The following CNTN5 variants were observed in gnomAD, a reference collection of about 807,000 sequenced individuals.
The protein encoded by CNTN5 is contactin 5.
Under a neutral mutation model 129.1 loss-of-function variants are expected in CNTN5, and 77 were observed. The ratio of observed to expected loss-of-function variants is 0.60; its 90% confidence interval spans 0.50 to 0.72. The LOEUF (loss-of-function observed/expected upper bound fraction) is 0.72, where lower values mean the gene tolerates loss of function less well. Ranked by LOEUF, CNTN5 falls within the 30% of genes least tolerant of loss-of-function variation. The probability of loss-of-function intolerance (pLI) is 0.00; values close to 1 mark genes in which losing one functional copy is unlikely to be tolerated. For synonymous variants in CNTN5, 509 were observed against 465.6 expected (o/e 1.09, Z -1.20); for missense variants, 1,478 against 1,328.8 (o/e 1.11, Z -1.75).
chr11:99,227,212 T>C (rs1029261110), intron 1 of CNTN5, among the ~76,000 whole-genome samples: 1 of 151,810 alleles, frequency 6.6e-6, no homozygotes, highest in Non-Finnish European at 1.5e-5. Flanking sequence ...TACAAAAAAT[T>C]AGCCAGGTGT....
chr11:100,054,969 T>C (rs1278159539), intron 9 of CNTN5, among the ~76,000 whole-genome samples: 2 of 142,206 alleles, frequency 1.4e-5, no homozygotes, highest in Non-Finnish European at 3.0e-5. Context: ...TAGAGAGTCA[T>C]AGATTTTTAA....
chr11:100,160,813 G>C (rs1449057155), intron 13 of CNTN5, among the ~76,000 whole-genome samples: 1 of 151,848 alleles, frequency 6.6e-6, no homozygotes, highest in Non-Finnish European at 1.5e-5. Context: ...TCACTCCTAT[G>C]TGGTGGAGAA....
intron 18 of CNTN5, 57 bp downstream of exon 18, chr11:100,271,298 G>A (rs766477216): frequency 1.7e-5 from 23 of 1,344,216 alleles, no homozygotes; most frequent in Non-Finnish European, 2.2e-5. Flanking sequence ...TCTTGAAAGT[G>A]AGTTGAATTA....
intron 8 of CNTN5, among the ~76,000 whole-genome samples, chr11:99,979,533 C>G (rs140238327): frequency 2.6e-5 from 4 of 152,172 alleles, no homozygotes; most frequent in Admixed American, 1.3e-4. Flanking sequence ...TTGTGTGAGG[C>G]AGGCTTCTAT....
Position 99,889,616 on chromosome 11 carries a change from T to C in CNTN5, c.578-26438T>C, listed in dbSNP as rs932205871. On this transcript the variant is annotated intron_variant, in intron 6 of 24. Transcript: ENST00000524871. ...AGTGGTGCAATCTTGGCTTACTACA[T>C]CCTCTGCCTCCTGGGTTCGAGCGAT... is the stretch of plus-strand genomic sequence containing the variant. Among the ~76,000 whole-genome samples the C allele has an allele frequency of 3.3e-5, 5 of 149,518 alleles. No individual in the cohort carries two copies. The East Asian group carries it at 8.1e-4, about 24-fold the overall frequency.
chr11:100,297,661 G>A lies in CNTN5; in HGVS notation c.2351G>A (p.Ser784Asn). ...GCACCCACCAATGTAAGCGGAAGAAGTGGAAGAAGGCATGAGTTAGTCATT... is the reference window on the plus strand; with the variant it reads ...GCACCCACCAATGTAAGCGGAAGAAATGGAAGAAGGCATGAGTTAGTCATT... ...KTAPTNVSGR[S>N]GRRHELVIAW... Residue 784 changes from serine to asparagine, a missense_variant, in exon 19 of 25, where the codon AGT becomes AAT. By Grantham distance (46) the Ser-to-Asn change is conservative. Coordinates refer to ENST00000524871, the MANE Select transcript of CNTN5 (RefSeq NM_014361.4). 6 of 1,605,748 alleles carry A rather than the reference G, an allele frequency of 3.7e-6. No homozygotes were observed. The highest frequency in any genetic ancestry group is 5.1e-6 in the Non-Finnish European group (6 of 1,175,214).
chr11:100,308,701 T>C (rs1213409943), intron 21 of CNTN5: 7 of 1,110,308 alleles, frequency 6.3e-6, no homozygotes, highest in East Asian at 1.0e-4. Context: ...TTTTAAAAGA[T>C]GAAATAGAGT....
chr11:99,817,106 C>T (rs373334864), intron 3 of CNTN5, among the ~76,000 whole-genome samples: 1 of 152,154 alleles, frequency 6.6e-6, no homozygotes, highest in African/African-American at 2.4e-5. Context: ...TGTATGAATA[C>T]TGCCTTTTTT....
intron 9 of CNTN5, among the ~76,000 whole-genome samples, chr11:100,051,113 C>T (rs1485647017): frequency 2.0e-5 from 3 of 151,948 alleles, no homozygotes; most frequent in Non-Finnish European, 4.4e-5. Flanking sequence ...GACAGAAAAT[C>T]AGTAAAGTAC....
chr11:99,349,177 A>T (rs1025309038), intron 2 of CNTN5, among the ~76,000 whole-genome samples: 1 of 152,186 alleles, frequency 6.6e-6, no homozygotes, highest in Non-Finnish European at 1.5e-5. Flanking sequence ...GACCACCCTG[A>T]ATGTGCCCGA....
intron 6 of CNTN5, among the ~76,000 whole-genome samples, chr11:99,854,455 A>G (rs1480119745): frequency 6.6e-6 from 1 of 152,082 alleles, no homozygotes; most frequent in Non-Finnish European, 1.5e-5. Flanking sequence ...TATTCCAGGT[A>G]AAAAGGGCTT....
chr11:100,240,760 G>A (rs1388812673), intron 16 of CNTN5, among the ~76,000 whole-genome samples: 2 of 152,098 alleles, frequency 1.3e-5, no homozygotes. Flanking sequence ...GTGCCCTAGA[G>A]TTTACCCATA....
At chr11:99,364,335 G>A (rs1939312874) in intron 2 of CNTN5, among the ~76,000 whole-genome samples, 1 of 152,020 alleles carries the variant, frequency 6.6e-6, no homozygotes, top group African/African-American at 2.4e-5. Context: ...TCAAGTGGTT[G>A]TAGGATTAGC....
rs756128950 is a variant in CNTN5, at chr11:99,956,849, G to A, written c.717G>A (p.Val239=). The A allele has an allele frequency of 1.2e-6, 2 of 1,613,848 alleles. No homozygotes were observed. The highest frequency in any genetic ancestry group is 1.7e-6 in the Non-Finnish European group (2 of 1,179,844). The change falls in exon 8 of 25, where the codon GTG becomes GTA. Residue 239 remains valine (V), a synonymous_variant. Coordinates refer to ENST00000524871, the MANE Select transcript of CNTN5 (RefSeq NM_014361.4). ...TATTTAATGAGTTCCCTTCCTTTGT[G>A]GCGGAAGACAGCCGGCGGTTCATCT... ...SWVFNEFPSF[V]AEDSRRFISQ...
intron 2 of CNTN5, among the ~76,000 whole-genome samples, chr11:99,553,659 T>TCC (rs955958025): frequency 2.0e-5 from 3 of 152,020 alleles, no homozygotes; most frequent in Non-Finnish European, 4.4e-5. Context: ...AGGTGATGGA[T>TCC]ATCTTAATTA....
intron 3 of CNTN5, among the ~76,000 whole-genome samples, chr11:99,812,279 A>C (rs80074419): frequency 0.035 from 5,351 of 152,216 alleles, 141 homozygotes; most frequent in South Asian, 0.1. Flanking sequence ...AAAATAAAAA[A>C]TGTAATCATT....
At chr11:99,623,976 T>TC (rs1445690362) in intron 3 of CNTN5, among the ~76,000 whole-genome samples, 1 of 152,144 alleles carries the variant, frequency 6.6e-6, no homozygotes, top group Non-Finnish European at 1.5e-5. Context: ...TGATATTCTG[T>TC]CTTCAGTTGT....
At chr11:99,316,257 G>A (rs140736041) in intron 1 of CNTN5, among the ~76,000 whole-genome samples, 252 of 152,252 alleles carry the variant, frequency 1.7e-3, no homozygotes, top group Admixed American at 3.5e-3. Context: ...GATGATGGCA[G>A]GAAGTTTGTC....
chr11:100,352,140 G>A (rs1001181265), intron 24 of CNTN5, among the ~76,000 whole-genome samples: 13 of 151,658 alleles, frequency 8.6e-5, no homozygotes, highest in South Asian at 8.3e-4. Context: ...GTACCCATTA[G>A]TTATTTTTCC....
Sources: gnomAD v4.1 joint callset for allele counts (sites outside exome capture counted in the v4.1 genomes callset) on GRCh38, gnomAD v4.1.1 for gene constraint, MANE v1.5 for transcripts, NCBI Gene and HGNC (gene_info 2026-07-23, HGNC 2026-07-21) for gene names.